Variants in EAF2 observed in about 807,000 individuals in gnomAD.
The protein encoded by EAF2 is ELL-associated factor 2.
A neutral mutation model predicts 29.4 loss-of-function variants in EAF2; 29 were observed. That is an observed-to-expected ratio of 0.99 (90% CI 0.73 to 1.35). The LOEUF (loss-of-function observed/expected upper bound fraction) is 1.35, where lower values mean the gene tolerates loss of function less well. Among genes scored for constraint, EAF2 ranks in the 40% most tolerant of loss-of-function variants. EAF2 has a pLI of 0.00. For missense variants in EAF2, 292 were observed against 312.0 expected (o/e 0.94, Z 0.48); for synonymous variants, 103 against 102.5 (o/e 1.00, Z -0.03).
At chr3:121,871,810 A>C (rs1369948557) in intron 4 of EAF2, among the ~76,000 whole-genome samples, 2 of 151,994 alleles carry the variant, frequency 1.3e-5, no homozygotes, top group African/African-American at 4.8e-5. Flanking sequence ...CTTAAAAGTC[A>C]GTAGATTTGC....
intron 4 of EAF2, among the ~76,000 whole-genome samples, chr3:121,858,794 T>C (rs955559164): frequency 3.9e-5 from 6 of 152,244 alleles, no homozygotes; most frequent in African/African-American, 1.4e-4. Flanking sequence ...AGCGTTTTTA[T>C]GGTTTTAGGT....
Position 121,872,672 on chromosome 3 carries a change from C to T in EAF2, c.620C>T (p.Ser207Phe), listed in dbSNP as rs200859609. ...GATGAAGATTGCAAATCCTCTACTT[C>T]TGATACAGGGAATTGTGTCTCAGGA... ...SEDEDCKSSTSDTGNCVSGHP... is the reference protein window; with the variant it reads ...SEDEDCKSSTFDTGNCVSGHP... Residue 207 changes from serine to phenylalanine, a missense_variant, in exon 5 of 6, where the codon TCT becomes TTT. Transcript: ENST00000273668. 606 of 1,612,936 alleles carry T rather than the reference C, an allele frequency of 3.8e-4. 4 individuals are homozygous for T. The East Asian group carries it at 0.012, about 32-fold the overall frequency.
intron 2 of EAF2, among the ~76,000 whole-genome samples, chr3:121,848,967 C>T (rs1352623466): frequency 2.6e-5 from 4 of 152,016 alleles, no homozygotes; most frequent in African/African-American, 9.7e-5. Flanking sequence ...GGTATGTAGT[C>T]CTTGAACAAT....
intron 2 of EAF2, among the ~76,000 whole-genome samples, chr3:121,849,531 G>A (rs1708589688): frequency 6.6e-6 from 1 of 152,144 alleles, no homozygotes; most frequent in African/African-American, 2.4e-5. Flanking sequence ...ATCTTATGGG[G>A]TGCTTCTGTG....
Position 121,876,484 on chromosome 3 carries a change from G to A in EAF2, c.736+3696G>A, listed in dbSNP as rs551112786. Among the ~76,000 whole-genome samples, 16 of 151,948 alleles carry A rather than the reference G, an allele frequency of 1.1e-4. No homozygotes were observed. The East Asian group carries it at 2.7e-3, about 26-fold the overall frequency. On this transcript the variant is annotated intron_variant, in intron 5 of 5. Coordinates refer to ENST00000273668, the MANE Select transcript of EAF2 (RefSeq NM_018456.6). ...TAGTGAACAAAAAAATAGATAAAAT[G>A]TCAGGAAATTTGATTAACCTTTGAC...
chr3:121,862,127 G>T (rs1708843686), intron 4 of EAF2, among the ~76,000 whole-genome samples: 1 of 152,078 alleles, frequency 6.6e-6, no homozygotes, highest in African/African-American at 2.4e-5. Context: ...TTCAACATTG[G>T]TGAATCTGAC....
chr3:121,842,041 G>A lies in EAF2; in HGVS notation c.107-2412G>A, dbSNP rs1230941462. On this transcript the variant is annotated intron_variant, in intron 1 of 5. Coordinates refer to ENST00000273668, the MANE Select transcript of EAF2 (RefSeq NM_018456.6). ...AAAATAAAAAAATAAAAAAATTTCC[G>A]GGTGTGGTGTCATGTGCCTGTAATC... 4.6e-5 allele frequency among the ~76,000 whole-genome samples: 7 copies of A among 151,768 alleles called. No homozygotes were observed. The East Asian group carries it at 1.2e-3, about 25-fold the overall frequency.
At chr3:121,860,977 G>T (rs755674910) in intron 4 of EAF2, among the ~76,000 whole-genome samples, 1 of 152,102 alleles carries the variant, frequency 6.6e-6, no homozygotes, top group Non-Finnish European at 1.5e-5. Context: ...GTAGTTGTGC[G>T]TTTTGAGTGA....
At chr3:121,835,474 C>A in intron 1 of EAF2, 83 bp downstream of exon 1, 1 of 1,231,726 alleles carries the variant, frequency 8.1e-7, no homozygotes, top group Non-Finnish European at 1.2e-6. Context: ...GTTTTGTTCC[C>A]ACAGTACCCC....
chr3:121,841,826 G>A (rs1708439128), intron 1 of EAF2, among the ~76,000 whole-genome samples: 1 of 151,920 alleles, frequency 6.6e-6, no homozygotes, highest in African/African-American at 2.4e-5. Context: ...TGACCAACAT[G>A]GTGAAACCGT....
intron 2 of EAF2, among the ~76,000 whole-genome samples, chr3:121,849,727 T>G (rs2107509460): frequency 6.6e-6 from 1 of 152,244 alleles, no homozygotes; most frequent in Admixed American, 6.5e-5. Flanking sequence ...AGTCTGGTTT[T>G]CTCCAATGGG....
At chr3:121,866,138 C>G (rs1708922245) in intron 4 of EAF2, among the ~76,000 whole-genome samples, 1 of 152,160 alleles carries the variant, frequency 6.6e-6, no homozygotes, top group African/African-American at 2.4e-5. Context: ...GCAAGAGACT[C>G]CCTTTCACCT....
chr3:121,855,208 A>G (rs1708698908), intron 3 of EAF2, among the ~76,000 whole-genome samples: 1 of 152,220 alleles, frequency 6.6e-6, no homozygotes, highest in African/African-American at 2.4e-5. Flanking sequence ...TTTGCTCTGC[A>G]AACACCTCAA....
At chr3:121,880,184 C>A (rs1336781047) in intron 5 of EAF2, among the ~76,000 whole-genome samples, 3 of 151,872 alleles carry the variant, frequency 2.0e-5, no homozygotes, top group Admixed American at 6.6e-5. Flanking sequence ...GCTCCGTTGC[C>A]CAGGCTGAAA....
chr3:121,885,790 C>G (rs903911669), intron 5 of EAF2, among the ~76,000 whole-genome samples: 73 of 152,070 alleles, frequency 4.8e-4, no homozygotes, highest in Non-Finnish European at 4.6e-4. Flanking sequence ...ATCTCCATAC[C>G]CATTTTCATT....
chr3:121,856,342 T>C (rs978290936), intron 3 of EAF2, among the ~76,000 whole-genome samples: 10 of 151,818 alleles, frequency 6.6e-5, no homozygotes, highest in African/African-American at 2.4e-4. Flanking sequence ...TTGGTTGTTG[T>C]TTTATTTATT....
At chr3:121,886,016 G>A (rs1041013097) in intron 5 of EAF2, among the ~76,000 whole-genome samples, 1 of 151,922 alleles carries the variant, frequency 6.6e-6, no homozygotes, top group Admixed American at 6.6e-5. Context: ...TCTTCAAAGT[G>A]ATATAGTTTA....
At chr3:121,839,165 T>C (rs938319161) in intron 1 of EAF2, among the ~76,000 whole-genome samples, 14 of 152,356 alleles carry the variant, frequency 9.2e-5, no homozygotes, top group African/African-American at 3.4e-4. Context: ...TGTTTTATCT[T>C]GAGTTAGTTG....
At position 121,872,619 on chromosome 3, in the gene EAF2, T is replaced by G; in HGVS notation, c.567T>G (p.Ser189Arg). The change falls in exon 5 of 6, where the codon AGT becomes AGG. Residue 189 changes from serine to arginine, a missense_variant. Physicochemically the swap from Ser to Arg is moderately radical, Grantham distance 110. Coordinates refer to ENST00000273668, the MANE Select transcript of EAF2 (RefSeq NM_018456.6). The part of the protein sequence containing the change: ...SSDSKSSSSS[S>R]SEDSSSDSED... ...ATTCCAAAAGTTCATCATCTTCAAG[T>G]AGTGAGGATAGTTCTAGTGACTCAG... 6.2e-7 allele frequency: 1 copy of G among 1,612,746 alleles called. No individual in the cohort carries two copies.
Sources: gnomAD v4.1 joint callset for allele counts (sites outside exome capture counted in the v4.1 genomes callset) on GRCh38, gnomAD v4.1.1 for gene constraint, MANE v1.5 for transcripts, NCBI Gene and HGNC (gene_info 2026-07-23, HGNC 2026-07-21) for gene names.